PIK3R5: variants seen among roughly 807,000 people sequenced by gnomAD.
The protein encoded by PIK3R5 is phosphoinositide 3-kinase regulatory subunit 5.
In PIK3R5, 32 loss-of-function variants were observed where a neutral mutation model predicts 94.9. The ratio of observed to expected loss-of-function variants is 0.34; its 90% confidence interval spans 0.25 to 0.45. The LOEUF (loss-of-function observed/expected upper bound fraction) is 0.45. Among genes scored for constraint, PIK3R5 ranks in the 20% least tolerant of loss-of-function variants. The pLI is 1.00. For synonymous variants in PIK3R5, 443 were observed against 479.4 expected, an observed-to-expected ratio of 0.92 and a Z score of 0.99; for missense variants, 853 against 1,144.6, an observed-to-expected ratio of 0.75 and a Z score of 3.68.
chr17:8,943,408 A>G (rs2091220421), intron 1 of PIK3R5, among the ~76,000 whole-genome samples: 2 of 152,062 alleles, frequency 1.3e-5, no homozygotes. Flanking sequence ...ATTGAATCAT[A>G]TTAAACATGA....
In PIK3R5 at chr17:8,892,837, C is replaced by T. The variant is rs2090059001; in HGVS notation, c.482+749G>A. 1.3e-5 allele frequency among the ~76,000 whole-genome samples: 2 copies of T among 152,142 alleles called. No individual in the cohort carries two copies. Among genetic ancestry groups the T allele is most frequent in the Non-Finnish European group, 2.9e-5 (2 of 68,038 alleles). ...GGTGGTGAAGGCCGGGGTCCCTGGG[C>T]TCCCAACATGTCAAGGTGAGACAGC... On this transcript the variant is annotated intron_variant, in intron 6 of 18. Coordinates refer to ENST00000447110, the MANE Select transcript of PIK3R5 (RefSeq NM_001142633.3). The surrounding 1 kb of genome is among the most constrained non-coding windows in gnomAD (Gnocchi z 4.3).
At position 8,890,592 on chromosome 17, in the gene PIK3R5, GT is replaced by G; in HGVS notation, c.657+145del. 1.4e-6 allele frequency: 1 copy of G among 726,848 alleles called. No homozygotes were observed. The highest frequency in any genetic ancestry group is 1.9e-5 in the South Asian group (1 of 52,958). The allele number at this position is 726,848 out of a possible 1,614,324, so 45.0% of individuals were successfully genotyped here. A position where few individuals can be genotyped will look rare whatever the true frequency, so the allele number is the denominator to read the frequency against. ...GCACACCAGAAACACCCTCTATGAG[GT>G]CAGCCCTCCAGCCACCACCCTGCCA... On this transcript the variant is annotated intron_variant, in intron 7 of 18. Coordinates refer to ENST00000447110, the MANE Select transcript of PIK3R5 (RefSeq NM_001142633.3). The surrounding 1 kb of genome is among the most constrained non-coding windows in gnomAD (Gnocchi z 6.1).
rs1430980919 is a variant in PIK3R5, at chr17:8,945,185, G to T, written c.-14+20411C>A. ...GAGGGGATCTACATCCTCCCCAGCTGCAGGAACACTCACTCCCTGGCAGGC... is the reference window on the plus strand; with the variant it reads ...GAGGGGATCTACATCCTCCCCAGCTTCAGGAACACTCACTCCCTGGCAGGC... On this transcript the variant is annotated intron_variant, in intron 1 of 18. Transcript: ENST00000447110. This position sits in a 1 kb window ranked among gnomAD's most constrained non-coding sequence, Gnocchi z 4.0. Among the ~76,000 whole-genome samples the T allele has an allele frequency of 6.6e-6, 1 of 152,124 alleles. No individual in the cohort carries two copies. The highest frequency in any genetic ancestry group is 6.5e-5 in the Admixed American group (1 of 15,268).
Position 8,888,313 on chromosome 17 carries a change from G to C in PIK3R5, c.1474C>G (p.Leu492Val). 16 of 1,612,980 alleles carry C rather than the reference G, an allele frequency of 9.9e-6. No homozygotes were observed. The highest frequency in any genetic ancestry group is 1.4e-5 in the Non-Finnish European group (16 of 1,179,772). ...TGGGGGCGTGAAGCAGGGGCCAGAA[G>C]CCAGCTGGGCAGCTGGGTACCGAGT... is the stretch of plus-strand genomic sequence containing the variant. ...PKLGTQLPSW[L>V]LAPASRPQRR... Residue 492 changes from leucine to valine, a missense_variant, in exon 10 of 19, where the codon CTT (leucine) becomes GTT (valine). By Grantham distance (32) the Leu-to-Val change is conservative (BLOSUM62 1). Coordinates refer to ENST00000447110, the MANE Select transcript of PIK3R5 (RefSeq NM_001142633.3). The surrounding 1 kb of genome is among the most constrained non-coding windows in gnomAD (Gnocchi z 7.8).
chr17:8,902,846 A>ATTTTTTTTTTTTTTTTTTTTT (rs35776068), intron 5 of PIK3R5, among the ~76,000 whole-genome samples: 4 of 140,180 alleles, frequency 2.9e-5, no homozygotes, highest in African/African-American at 1.1e-4. Flanking sequence ...TTTAGATAGA[A>ATTTTTTTTTTTTTTTTTTTTT]TTTTTTTTTT....
intron 3 of PIK3R5, among the ~76,000 whole-genome samples, chr17:8,906,164 A>C (rs1272063566): frequency 6.6e-6 from 1 of 150,962 alleles, no homozygotes; most frequent in Non-Finnish European, 1.5e-5. Context: ...CTTGTCCCCC[A>C]TCCCCGACAG....
chr17:8,906,413 G>C (rs561534919), intron 3 of PIK3R5, among the ~76,000 whole-genome samples: 2 of 151,922 alleles, frequency 1.3e-5, no homozygotes, highest in Admixed American at 1.3e-4. Context: ...CCTGTTATTT[G>C]TGTTATAAAT....
In PIK3R5 at chr17:8,881,026, A is replaced by C. The variant is rs1049733469; in HGVS notation, c.2383-9T>G. 27 of 1,608,616 alleles carry C rather than the reference A, an allele frequency of 1.7e-5. No homozygotes were observed. Among genetic ancestry groups the C allele is most frequent in the Non-Finnish European group, 2.3e-5 (27 of 1,175,046 alleles). On this transcript the variant is annotated splice_polypyrimidine_tract_variant and intron_variant, in intron 17 of 18. Coordinates refer to ENST00000447110, the MANE Select transcript of PIK3R5 (RefSeq NM_001142633.3). This position sits in a 1 kb window ranked among gnomAD's most constrained non-coding sequence, Gnocchi z 4.8. Reference sequence around the variant, plus strand: ...ATCTGCGATGTGCTAATCTGGAAGGAAGGCCCAGGTCAGCCCCAAATCCCT... The same window carrying C: ...ATCTGCGATGTGCTAATCTGGAAGGCAGGCCCAGGTCAGCCCCAAATCCCT...
At chr17:8,940,242 C>T (rs935929085) in intron 1 of PIK3R5, among the ~76,000 whole-genome samples, 9 of 152,190 alleles carry the variant, frequency 5.9e-5, no homozygotes, top group Admixed American at 2.6e-4. Context: ...AGGCCCTGCC[C>T]TTCTCACCTC....
At position 8,887,513 on chromosome 17, in the gene PIK3R5, G is replaced by C. The variant is rs1023391759; in HGVS notation, c.1779+8C>G. 2 of 1,600,548 alleles carry C rather than the reference G, an allele frequency of 1.2e-6. No individual in the cohort carries two copies. Among genetic ancestry groups the C allele is most frequent in the Non-Finnish European group, 1.7e-6 (2 of 1,173,780 alleles). ...TTCCCCGACCATTGGCCCAGGCTGG[G>C]GACATACTCCAGGGCTGGCGTGCCT... On this transcript the variant is annotated splice_region_variant and intron_variant, in intron 11 of 18. Coordinates refer to ENST00000447110, the MANE Select transcript of PIK3R5 (RefSeq NM_001142633.3).
intron 1 of PIK3R5, among the ~76,000 whole-genome samples, chr17:8,942,963 T>TACACACACACAC (rs112851950): frequency 0.2 from 30,090 of 148,934 alleles, 3,585 homozygotes; most frequent in Admixed American, 0.28. Context: ...GATCACGTCA[T>TACACACACACAC]ACACACACAC....
intron 1 of PIK3R5, among the ~76,000 whole-genome samples, chr17:8,952,648 G>T (rs562292111): frequency 5.3e-5 from 8 of 152,074 alleles, no homozygotes; most frequent in Non-Finnish European, 1.2e-4. Flanking sequence ...ATGAATTAGG[G>T]GTAATCTCTT....
At position 8,886,566 on chromosome 17, in the gene PIK3R5, G is replaced by A. The variant is rs1336351474; in HGVS notation, c.1945C>T (p.Pro649Ser). 3 of 1,611,336 alleles carry A rather than the reference G, an allele frequency of 1.9e-6. No homozygotes were observed. Among genetic ancestry groups the A allele is most frequent in the Non-Finnish European group, 2.5e-6 (3 of 1,178,794 alleles). The change falls in exon 13 of 19, where the codon CCA becomes TCA. Residue 649 changes from proline to serine, a missense_variant. Physicochemically the swap from Pro to Ser is moderately conservative, Grantham distance 74. Coordinates refer to ENST00000447110, the MANE Select transcript of PIK3R5 (RefSeq NM_001142633.3). The part of the protein sequence containing the change: ...KAEAQALEGS[P>S]TQLPILADML... ...TCAGCCAGGATGGGCAGCTGGGTTG[G>A]GGAGCCCTCCAGGGCCTGGGCTTCA...
intron 1 of PIK3R5, chr17:8,915,727 T>G (rs925204117): frequency 6.6e-6 from 1 of 152,182 alleles, no homozygotes; most frequent in Non-Finnish European, 1.5e-5. Flanking sequence ...CAGGAGTGAG[T>G]CATCCTGCTC....
In PIK3R5 at chr17:8,943,552, C is replaced by T. The variant is rs143705165; in HGVS notation, c.-14+22044G>A. 5.7e-3 allele frequency among the ~76,000 whole-genome samples: 872 copies of T among 152,246 alleles called. 12 individuals carry two copies. Among genetic ancestry groups the T allele is most frequent in the African/African-American group, 0.019 (803 of 41,552 alleles). ...CTTTGGGAGGCCGAGGCGGATGCATCATCAGGTCAGGAGTTCGAGACCAGC... is the reference window on the plus strand; with the variant it reads ...CTTTGGGAGGCCGAGGCGGATGCATTATCAGGTCAGGAGTTCGAGACCAGC... On this transcript the variant is annotated intron_variant, in intron 1 of 18. Transcript: ENST00000447110.
At chr17:8,961,503 C>T (rs949842603) in intron 1 of PIK3R5, among the ~76,000 whole-genome samples, 1 of 152,098 alleles carries the variant, frequency 6.6e-6, no homozygotes, top group Non-Finnish European at 1.5e-5. Flanking sequence ...GGCGTGGAAG[C>T]GGGCGCCTGT....
At chr17:8,887,395 G>T in intron 11 of PIK3R5, 126 bp downstream of exon 11, 1 of 1,315,108 alleles carries the variant, frequency 7.6e-7, no homozygotes, top group Non-Finnish European at 1.0e-6. Context: ...AGTGCAGGGA[G>T]TGAGGGCCAG....
chr17:8,962,711 C>A (rs1229767032), intron 1 of PIK3R5, among the ~76,000 whole-genome samples: 1 of 152,188 alleles, frequency 6.6e-6, no homozygotes, highest in African/African-American at 2.4e-5. Context: ...GTAAAATGCA[C>A]CTTGATTTCA....
At chr17:8,960,720 G>A (rs2091548733) in intron 1 of PIK3R5, among the ~76,000 whole-genome samples, 1 of 152,170 alleles carries the variant, frequency 6.6e-6, no homozygotes, top group Non-Finnish European at 1.5e-5. Flanking sequence ...GCCACCTTCA[G>A]CCCTCACACC....
Sources: allele counts gnomAD v4.1 joint callset (sites outside exome capture counted in the v4.1 genomes callset), GRCh38; gene constraint gnomAD v4.1.1; non-coding constraint Gnocchi (gnomAD v3.1); transcripts MANE v1.5; gene names NCBI Gene and HGNC (gene_info 2026-07-23, HGNC 2026-07-21).